OPTN: variants seen among roughly 807,000 people sequenced by gnomAD.
The protein encoded by OPTN is optineurin.
OPTN carries 54 observed loss-of-function variants against 70.4 expected under a neutral mutation model. The observed-to-expected ratio is 0.77, with a 90% CI of 0.62 to 0.96. The LOEUF is 0.96. Ranked by LOEUF, OPTN falls within the 40% of genes least tolerant of loss-of-function variation. The pLI, the probability that OPTN is intolerant of heterozygous loss-of-function variation, is 0.00. For missense variants in OPTN, 624 were observed against 673.2 expected (o/e 0.93, Z 0.81); for synonymous variants, 256 against 248.5 (o/e 1.03, Z -0.28).
intron 4 of OPTN, 139 bp from the exon 5 acceptor site, chr10:13,112,314 G>A: frequency 1.3e-6 from 1 of 773,048 alleles, no homozygotes; most frequent in African/African-American, 1.7e-5. Flanking sequence ...TTGCTATGTT[G>A]CCCAGGCTGG....
intron 1 of OPTN, among the ~76,000 whole-genome samples, chr10:13,107,426 T>G (rs1291506114): frequency 2.1e-5 from 3 of 139,596 alleles, no homozygotes; most frequent in Non-Finnish European, 3.1e-5. Context: ...TCGCCCATGC[T>G]GGAGTGCAGT....
In OPTN at chr10:13,136,840, A is replaced by G. The variant is rs1441223697; in HGVS notation, c.1708A>G (p.Ile570Val). ...EVLPDIDTLQ[I>V]HVMDCII ...TCTGCCTGACATAGACACGTTACAG[A>G]TTCACGTGATGGATTGCATCATTTA... The change falls in exon 15 of 15, where the codon ATT (isoleucine) becomes GTT (valine). Residue 570 changes from isoleucine (I) to valine (V), a missense_variant. By Grantham distance (29) the Ile-to-Val change is conservative (BLOSUM62 3). Coordinates refer to ENST00000378747, the MANE Select transcript of OPTN (RefSeq NM_001008212.2). The G allele has an allele frequency of 6.2e-7, 1 of 1,614,184 alleles. No homozygotes were observed. The highest frequency in any genetic ancestry group is 8.5e-7 in the Non-Finnish European group (1 of 1,180,034).
At chr10:13,136,104 T>C (rs1348030224) in intron 14 of OPTN, among the ~76,000 whole-genome samples, 1 of 152,002 alleles carries the variant, frequency 6.6e-6, no homozygotes, top group African/African-American at 2.4e-5. Context: ...GGAGGGTCAC[T>C]GGATCCCAGG....
In OPTN at chr10:13,127,417, T is replaced by A. The variant is rs540329276; in HGVS notation, c.1243-328T>A. On this transcript the variant is annotated intron_variant, in intron 11 of 14. Coordinates refer to ENST00000378747, the MANE Select transcript of OPTN (RefSeq NM_001008212.2). The stretch of plus-strand genomic sequence containing the variant: ...CCTTATTAACATTGGAGTTTGTTAT[T>A]GTATCCCTGATTTCGGTGTTATCAC... Among the ~76,000 whole-genome samples, 19 of 152,394 alleles carry A rather than the reference T, an allele frequency of 1.2e-4. No individual in the cohort carries two copies. In the South Asian group the frequency reaches 3.7e-3, roughly 30 times the overall value.
intron 5 of OPTN, among the ~76,000 whole-genome samples, chr10:13,115,802 C>G (rs1833194087): frequency 6.6e-6 from 1 of 151,318 alleles, no homozygotes; most frequent in African/African-American, 2.4e-5. Flanking sequence ...CTAATGGGAA[C>G]CAACTTGGCC....
At chr10:13,104,425 CT>C (rs34844442) in intron 1 of OPTN, 43,995 of 147,948 alleles carry the variant, frequency 0.3, 7,096 homozygotes, top group Admixed American at 0.45. Context: ...CACCCAGCTA[CT>C]TTTTTTTTTT....
At chr10:13,108,512 C>G (rs1450228579) in intron 2 of OPTN, among the ~76,000 whole-genome samples, 1 of 151,390 alleles carries the variant, frequency 6.6e-6, no homozygotes, top group Non-Finnish European at 1.5e-5. Context: ...ACCCTCGTCT[C>G]CCTCCCCCAT....
intron 7 of OPTN, 33 bp downstream of exon 7, chr10:13,119,073 TTTTA>T: frequency 6.3e-7 from 1 of 1,596,830 alleles, no homozygotes; most frequent in East Asian, 2.2e-5. Context: ...ATATGTGTTT[TTTTA>T]AAACAGCTTT....
At chr10:13,110,069 A>T in intron 3 of OPTN, 2 of 802,482 alleles carry the variant, frequency 2.5e-6, no homozygotes, top group Non-Finnish European at 3.8e-6. Context: ...TGGGATTTTT[A>T]AGGACTAGAA....
chr10:13,128,044 T>C (rs926455223), intron 12 of OPTN, 141 bp downstream of exon 12: 22 of 971,404 alleles, frequency 2.3e-5, no homozygotes, highest in Admixed American at 6.3e-5. Context: ...ACTTTAAAAT[T>C]GAAACATTTG....
chr10:13,108,882 GCA>G (rs1330121705), intron 2 of OPTN: 57 of 500,012 alleles, frequency 1.1e-4, no homozygotes, highest in East Asian at 1.5e-4. Context: ...ACACACACAC[GCA>G]CACACACACA....
intron 11 of OPTN, among the ~76,000 whole-genome samples, chr10:13,126,869 TAA>T (rs957759980): frequency 3.9e-5 from 6 of 151,962 alleles, no homozygotes; most frequent in African/African-American, 1.2e-4. Context: ...CTACAAAAAA[TAA>T]AGAGTTAACC....
chr10:13,104,254 C>CTT (rs60982439), intron 1 of OPTN, among the ~76,000 whole-genome samples: 30 of 97,812 alleles, frequency 3.1e-4, no homozygotes, highest in African/African-American at 1.0e-3. Flanking sequence ...GTTTTTTTTT[C>CTT]TTTTTTTTTT....
At chr10:13,101,403 C>CA (rs1832743101) in intron 1 of OPTN, among the ~76,000 whole-genome samples, 1 of 102,784 alleles carries the variant, frequency 9.7e-6, no homozygotes, top group Admixed American at 1.1e-4. Flanking sequence ...CCCCCCCACC[C>CA]CCCCACCCAC....
chr10:13,128,095 G>A (rs527262427), intron 12 of OPTN, among the ~76,000 whole-genome samples, 192 bp downstream of exon 12: 17 of 152,304 alleles, frequency 1.1e-4, no homozygotes, highest in African/African-American at 3.6e-4. Flanking sequence ...CATTTAATAG[G>A]TAATTGGATT....
At chr10:13,124,497 A>G (rs541859779) in intron 9 of OPTN, among the ~76,000 whole-genome samples, 13 of 152,348 alleles carry the variant, frequency 8.5e-5, no homozygotes, top group East Asian at 1.9e-4. Context: ...AAAAAGGTCA[A>G]TTTCAATTTG....
chr10:13,123,858 G>A (rs1833403632), intron 8 of OPTN, 137 bp from the exon 9 acceptor site: 2 of 692,058 alleles, frequency 2.9e-6, no homozygotes, highest in Non-Finnish European at 5.3e-6. Flanking sequence ...ACAATGTTTG[G>A]GGTATTGTCA....
intron 5 of OPTN, among the ~76,000 whole-genome samples, chr10:13,113,695 T>C (rs962385129): frequency 2.0e-5 from 3 of 152,284 alleles, no homozygotes; most frequent in Admixed American, 6.5e-5. Context: ...GGGAGAAAGA[T>C]AGACAAGGAT....
chr10:13,122,605 T>C, intron 8 of OPTN, 118 bp downstream of exon 8: 2 of 742,186 alleles, frequency 2.7e-6, no homozygotes, highest in Non-Finnish European at 2.5e-6. Context: ...CATGTTGATA[T>C]TGAATATTAT....
Sources: allele counts gnomAD v4.1 joint callset (sites outside exome capture counted in the v4.1 genomes callset), GRCh38; gene constraint gnomAD v4.1.1; transcripts MANE v1.5; gene names NCBI Gene and HGNC (gene_info 2026-07-23, HGNC 2026-07-21).